The following FAM184B variants were observed in gnomAD, a reference collection of about 807,000 sequenced individuals.
FAM184B encodes the protein protein FAM184B.
Under a neutral mutation model 135.9 loss-of-function variants are expected in FAM184B, and 111 were observed. That is an observed-to-expected ratio of 0.82 (90% CI 0.70 to 0.96). The LOEUF is 0.96. Ranked by LOEUF, FAM184B falls within the 40% of genes least tolerant of loss-of-function variation. The probability of loss-of-function intolerance (pLI) is 0.00; values close to 1 mark genes in which losing one functional copy is unlikely to be tolerated. For missense variants in FAM184B, 1,375 were observed against 1,323.9 expected (o/e 1.04, Z -0.60); for synonymous variants, 552 against 524.8 (o/e 1.05, Z -0.71).
chr4:17,658,261 T>C (rs1427755165), intron 10 of FAM184B, 89 bp downstream of exon 10: 3 of 1,106,646 alleles, frequency 2.7e-6, no homozygotes, highest in Non-Finnish European at 4.0e-6. Flanking sequence ...GGGGATTGGA[T>C]GTCATGTAGA....
chr4:17,638,780 A>T (rs1015492619), intron 14 of FAM184B, among the ~76,000 whole-genome samples: 2 of 150,134 alleles, frequency 1.3e-5, no homozygotes, highest in East Asian at 3.8e-4. Flanking sequence ...CCCTGCAGAA[A>T]AGGGGAACAT....
At chr4:17,747,300 C>G (rs574810484) in intron 1 of FAM184B, among the ~76,000 whole-genome samples, 7 of 151,958 alleles carry the variant, frequency 4.6e-5, no homozygotes, top group Admixed American at 2.6e-4. Context: ...GTTGAGACAA[C>G]TCAACTGCTA....
chr4:17,707,784 C>T lies in FAM184B; in HGVS notation c.895G>A (p.Asp299Asn), dbSNP rs1717152015. 9 of 1,551,958 alleles carry T rather than the reference C, an allele frequency of 5.8e-6. No individual in the cohort carries two copies. The highest frequency in any genetic ancestry group is 7.8e-6 in the Non-Finnish European group (9 of 1,147,032). ...YAQKLKERIQ[D>N]LDVQLKEARQ... Reference sequence around the variant, plus strand: ...GCCTCCTTAAGCTGCACATCCAGGTCCTAAACAGACAGGAAGGGTCCCATT... The same window carrying T: ...GCCTCCTTAAGCTGCACATCCAGGTTCTAAACAGACAGGAAGGGTCCCATT... The change falls in exon 3 of 18, where the codon GAC (aspartate) becomes AAC (asparagine). Residue 299 changes from aspartate to asparagine, a missense_variant and splice_region_variant. By Grantham distance (23) the Asp-to-Asn change is conservative. Transcript: ENST00000265018.
At chr4:17,700,647 A>C (rs1716963147) in intron 5 of FAM184B, among the ~76,000 whole-genome samples, 1 of 152,148 alleles carries the variant, frequency 6.6e-6, no homozygotes, top group South Asian at 2.1e-4. Context: ...AACTTGACCT[A>C]ATTAGCTTTT....
Position 17,779,002 on chromosome 4 carries a change from C to T in FAM184B, c.141+2157G>A, listed in dbSNP as rs1408954930. ...ATACTAACTTTGTTAGCAAAAAAAT[C>T]AGAGTTAAGTATGTATGTTGAAAAA... On this transcript the variant is annotated intron_variant, in intron 1 of 17. Transcript: ENST00000265018. Among the ~76,000 whole-genome samples the T allele has an allele frequency of 2.0e-5, 3 of 152,172 alleles. No homozygotes were observed. The East Asian group carries it at 5.8e-4, about 29-fold the overall frequency.
chr4:17,632,510 G>A lies in FAM184B; in HGVS notation c.*22C>T, dbSNP rs1714983996. ...AATAAATGTTTTTCAAGTATCCTCT[G>A]TGATGTATCCCAAAGGTTAGCTTAG... On this transcript the variant is annotated 3_prime_UTR_variant, in exon 18 of 18. Transcript: ENST00000265018. 6.6e-7 allele frequency: 1 copy of A among 1,514,040 alleles called. No individual in the cohort carries two copies. Among genetic ancestry groups the A allele is most frequent in the Non-Finnish European group, 9.0e-7 (1 of 1,115,042 alleles). The allele number at this position is 1,514,040 out of a possible 1,614,324, so 93.8% of individuals were successfully genotyped here.
Position 17,781,129 on chromosome 4 carries a change from A to C in FAM184B, c.141+30T>G. On this transcript the variant is annotated intron_variant, in intron 1 of 17. Transcript: ENST00000265018. The surrounding 1 kb of genome is among the most constrained non-coding windows in gnomAD (Gnocchi z 6.5). Reference sequence around the variant, plus strand: ...CCCGGCTCGGGCGCCCCGGGCGTGCAGCTCGCTGGCCCGCTGCGCCCCACC... The same window carrying C: ...CCCGGCTCGGGCGCCCCGGGCGTGCCGCTCGCTGGCCCGCTGCGCCCCACC... 6.8e-7 allele frequency: 1 copy of C among 1,477,590 alleles called. No homozygotes were observed. The highest frequency in any genetic ancestry group is 1.4e-5 in the African/African-American group (1 of 69,890). The allele number at this position is 1,477,590 out of a possible 1,614,324, so 91.5% of individuals were successfully genotyped here.
At position 17,765,489 on chromosome 4, in the gene FAM184B, CCTAA is replaced by C. The variant is rs1489497188; in HGVS notation, c.141+15666_141+15669del. 7.9e-5 allele frequency among the ~76,000 whole-genome samples: 12 copies of C among 152,206 alleles called. No homozygotes were observed. The East Asian group carries it at 2.3e-3, about 29-fold the overall frequency. On this transcript the variant is annotated intron_variant, in intron 1 of 17. Transcript: ENST00000265018. ...GGCTCACAATGAGGGATTATCTCAA[CCTAA>C]CTTTCACGATCCCTCGTATTGACAA... is the stretch of plus-strand genomic sequence containing the variant.
At chr4:17,636,256 C>CTT (rs1331968558) in intron 15 of FAM184B, among the ~76,000 whole-genome samples, 9 of 152,150 alleles carry the variant, frequency 5.9e-5, no homozygotes, top group African/African-American at 2.2e-4. Flanking sequence ...CAGATGCCCA[C>CTT]AACCACACCC....
chr4:17,723,257 A>T (rs1418972067), intron 1 of FAM184B, among the ~76,000 whole-genome samples: 2 of 152,106 alleles, frequency 1.3e-5, no homozygotes, highest in Non-Finnish European at 2.9e-5. Flanking sequence ...AGCAGAGAAA[A>T]ATCTCTTTAA....
At chr4:17,719,596 C>T (rs559732768) in intron 1 of FAM184B, among the ~76,000 whole-genome samples, 1 of 152,052 alleles carries the variant, frequency 6.6e-6, no homozygotes, top group Non-Finnish European at 1.5e-5. Context: ...CTCCAGTAAT[C>T]CCCCCTTTTC....
rs562829655 is a variant in FAM184B at position 17,668,833 on chromosome 4, G to T, written c.1597-4174C>A. Among the ~76,000 whole-genome samples, 4 of 152,254 alleles carry T rather than the reference G, an allele frequency of 2.6e-5. No homozygotes were observed. The South Asian group carries it at 8.3e-4, about 32-fold the overall frequency. On this transcript the variant is annotated intron_variant, in intron 7 of 17. Transcript: ENST00000265018. ...TTACAGGCATGAGCCACCGCACCTG[G>T]CCTTGCTACCACAATTTTCTTACAA...
intron 13 of FAM184B, 136 bp from the exon 14 acceptor site, chr4:17,639,532 T>C: frequency 9.4e-7 from 1 of 1,067,412 alleles, no homozygotes; most frequent in South Asian, 1.6e-5. Context: ...AGGACACCTG[T>C]GGGAAGAAGA....
intron 2 of FAM184B, among the ~76,000 whole-genome samples, chr4:17,708,217 C>T (rs1213215867): frequency 5.9e-5 from 9 of 152,144 alleles, no homozygotes; most frequent in South Asian, 2.1e-4. Context: ...CTAGTCCTTA[C>T]GCCTCTCAAT....
chr4:17,685,839 T>C (rs939255770), intron 7 of FAM184B, among the ~76,000 whole-genome samples: 1 of 152,178 alleles, frequency 6.6e-6, no homozygotes, highest in Admixed American at 6.5e-5. Context: ...CAGAGTCAAG[T>C]GCTGAAGTTG....
intron 7 of FAM184B, among the ~76,000 whole-genome samples, chr4:17,665,536 C>T (rs1302536692): frequency 1.3e-5 from 2 of 152,106 alleles, no homozygotes; most frequent in African/African-American, 4.8e-5. Context: ...AGCTTCTTCC[C>T]TTTTTTGGAC....
intron 7 of FAM184B, among the ~76,000 whole-genome samples, chr4:17,675,729 T>C (rs567711794): frequency 2.0e-5 from 3 of 152,334 alleles, no homozygotes; most frequent in East Asian, 3.9e-4. Flanking sequence ...AGCTTCTCCA[T>C]CAGCGCTTGC....
intron 10 of FAM184B, among the ~76,000 whole-genome samples, chr4:17,655,617 TC>T (rs1477684507): frequency 6.6e-6 from 1 of 152,106 alleles, no homozygotes; most frequent in Non-Finnish European, 1.5e-5. Flanking sequence ...CTTAGACAAC[TC>T]CCTCATGGCT....
intron 1 of FAM184B, among the ~76,000 whole-genome samples, chr4:17,712,454 T>A (rs1370500637): frequency 6.6e-6 from 1 of 152,006 alleles, no homozygotes; most frequent in Non-Finnish European, 1.5e-5. Context: ...ATCAGAAAAG[T>A]TTTCCTGAAG....
Sources: gnomAD v4.1 joint callset for allele counts (sites outside exome capture counted in the v4.1 genomes callset) on GRCh38, gnomAD v4.1.1 for gene constraint, Gnocchi (gnomAD v3.1) non-coding constraint, MANE v1.5 for transcripts, NCBI Gene and HGNC (gene_info 2026-07-23, HGNC 2026-07-21) for gene names.